Variants in PDE1C observed in about 807,000 individuals in gnomAD.
The protein encoded by PDE1C is phosphodiesterase 1C.
PDE1C carries 62 observed loss-of-function variants against 93.1 expected under a neutral mutation model. That is an observed-to-expected ratio of 0.67 (90% confidence interval 0.54 to 0.82). PDE1C has a LOEUF of 0.82. Ranked by LOEUF, PDE1C falls within the 40% of genes least tolerant of loss-of-function variation. PDE1C has a pLI of 0.00. For synonymous variants in PDE1C, 325 were observed against 310.1 expected, an observed-to-expected ratio of 1.05 and a Z score of -0.50; for missense variants, 742 against 884.6, an observed-to-expected ratio of 0.84 and a Z score of 2.04.
the PDE1C span, chr7:31,687,175 G>C: frequency 6.6e-6 from 1 of 152,456 alleles, no homozygotes; most frequent in Non-Finnish European, 1.5e-5. Flanking sequence ...AACAGCAGCA[G>C]CTGGTCCCTA....
chr7:32,397,607 T>C (rs1379180651), intron 1 of PDE1C, among the ~76,000 whole-genome samples: 1 of 152,326 alleles, frequency 6.6e-6, no homozygotes, highest in South Asian at 2.1e-4. Context: ...AATACATATA[T>C]ACAAGGTTAT....
chr7:31,916,022 G>A lies in PDE1C; in HGVS notation c.129-35162C>T, dbSNP rs544674456. On this transcript the variant is annotated intron_variant, in intron 2 of 17. Transcript: ENST00000396191. Reference sequence around the variant, plus strand: ...CTGTGCTCCATGTCTTCAGAGATAAGGAAGTTACTTTCTGCCAGGTATGGG... The same window carrying A: ...CTGTGCTCCATGTCTTCAGAGATAAAGAAGTTACTTTCTGCCAGGTATGGG... Among the ~76,000 whole-genome samples the A allele has an allele frequency of 2.0e-4, 31 of 151,872 alleles. No homozygotes were observed. The South Asian group carries it at 6.2e-3, about 31-fold the overall frequency.
At chr7:31,896,523 T>C (rs970326708) in intron 2 of PDE1C, among the ~76,000 whole-genome samples, 1 of 151,808 alleles carries the variant, frequency 6.6e-6, no homozygotes, top group African/African-American at 2.4e-5. Flanking sequence ...AGCCTTCTTG[T>C]GGTATATTCA....
At chr7:32,308,182 G>A (rs1331765356) in intron 1 of PDE1C, among the ~76,000 whole-genome samples, 1 of 152,244 alleles carries the variant, frequency 6.6e-6, no homozygotes, top group East Asian at 1.9e-4. Context: ...CAAGGCTGGG[G>A]GAGGGGCGCC....
At chr7:32,093,349 C>A (rs1797576724) in intron 3 of PDE1C, among the ~76,000 whole-genome samples, 1 of 152,232 alleles carries the variant, frequency 6.6e-6, no homozygotes, top group South Asian at 2.1e-4. Flanking sequence ...TCAAAGCAAG[C>A]TTGTCACTTG....
intron 1 of PDE1C, among the ~76,000 whole-genome samples, chr7:32,327,293 C>T (rs1267514327): frequency 6.6e-6 from 1 of 152,118 alleles, no homozygotes; most frequent in East Asian, 1.9e-4. Context: ...GTCCCCAAAT[C>T]GTAAGTATAC....
chr7:32,424,650 A>T (rs1333047464), intron 1 of PDE1C, among the ~76,000 whole-genome samples: 1 of 152,106 alleles, frequency 6.6e-6, no homozygotes, highest in Non-Finnish European at 1.5e-5. Context: ...TACAAAAAAT[A>T]GATATATATA....
In PDE1C at chr7:32,390,967, A is replaced by T. The variant is rs2099306; in HGVS notation, c.310+36855T>A. Among the ~76,000 whole-genome samples, 3 of 152,208 alleles carry T rather than the reference A, an allele frequency of 2.0e-5. No individual in the cohort carries two copies. In the South Asian group the frequency reaches 6.2e-4, roughly 32 times the overall value. On this transcript the variant is annotated intron_variant, in intron 1 of 1. Coordinates refer to the PDE1C transcript ENST00000672256. ...GGAAATAAGACAATAAAAGAGGAAC[A>T]TAAGAACAAAAAAGACACCAGCAAT...
intron 1 of PDE1C, among the ~76,000 whole-genome samples, chr7:32,320,570 AT>A (rs1783269187): frequency 6.6e-6 from 1 of 152,114 alleles, no homozygotes; most frequent in East Asian, 1.9e-4. Context: ...TTCTAGGAAT[AT>A]TGTCACACTT....
At chr7:32,075,184 A>G (rs1276943638), upstream of PDE1C, among the ~76,000 whole-genome samples, 1 of 152,212 alleles carries the variant, frequency 6.6e-6, no homozygotes, top group Non-Finnish European at 1.5e-5. Context: ...AGAGTAGAAA[A>G]AGGAAAATAG....
chr7:32,143,821 A>C (rs1447264732), intron 3 of PDE1C, among the ~76,000 whole-genome samples: 1 of 152,190 alleles, frequency 6.6e-6, no homozygotes, highest in Non-Finnish European at 1.5e-5. Flanking sequence ...ACATAAATTA[A>C]AGTGTCTGAA....
At chr7:32,022,403 A>G (rs1430966152) in intron 2 of PDE1C, among the ~76,000 whole-genome samples, 1 of 152,086 alleles carries the variant, frequency 6.6e-6, no homozygotes, top group Non-Finnish European at 1.5e-5. Context: ...AAGCAAGTCA[A>G]CAGAGGAGGT....
At chr7:32,088,728 ACAGGCTCACTCCAGTGAGCC>A (rs1211173870) in intron 3 of PDE1C, among the ~76,000 whole-genome samples, 1 of 21,810 alleles carries the variant, frequency 4.6e-5, no homozygotes, top group Admixed American at 2.9e-4. Flanking sequence ...GTCTTTAGTG[ACAGGCTCACTCCAGTGAGCC>A]ACCCGTGAAA....
chr7:32,038,338 CA>C (rs1447383376), intron 2 of PDE1C, among the ~76,000 whole-genome samples: 1 of 151,932 alleles, frequency 6.6e-6, no homozygotes, highest in African/African-American at 2.4e-5. Context: ...CCCGCACAAG[CA>C]GAATAAGTGC....
chr7:31,857,730 C>T (rs1330183695), intron 7 of PDE1C, among the ~76,000 whole-genome samples: 1 of 152,082 alleles, frequency 6.6e-6, no homozygotes, highest in Non-Finnish European at 1.5e-5. Context: ...CTTCACTAGA[C>T]ATTTTGAGGG....
At chr7:32,042,343 C>T (rs533918379) in intron 2 of PDE1C, among the ~76,000 whole-genome samples, 1 of 152,026 alleles carries the variant, frequency 6.6e-6, no homozygotes, top group Non-Finnish European at 1.5e-5. Context: ...AACTATAAAG[C>T]CAAAGGGATA....
rs147561543 is a variant in PDE1C at position 31,979,662 on chromosome 7, T to C, written c.128+71892A>G. Among the ~76,000 whole-genome samples, 15 of 152,316 alleles carry C rather than the reference T, an allele frequency of 9.8e-5. No individual in the cohort carries two copies. The East Asian group carries it at 2.1e-3, about 22-fold the overall frequency. On this transcript the variant is annotated intron_variant, in intron 2 of 17. Coordinates refer to ENST00000396191, the MANE Select transcript of PDE1C (RefSeq NM_001191057.4). ...ACTATTAAGAAGACAACAATTCCTA[T>C]ACTTACTAGCTTCATGAAAGTAAAA...
At chr7:31,666,794 A>AT in the PDE1C span, among the ~76,000 whole-genome samples, 14 of 150,042 alleles carry the variant, frequency 9.3e-5, no homozygotes, top group African/African-American at 2.2e-4. Context: ...CCAGCCCCCC[A>AT]TTTTTTTTTG....
At chr7:32,314,720 G>A (rs1283459945) in intron 1 of PDE1C, among the ~76,000 whole-genome samples, 2 of 152,030 alleles carry the variant, frequency 1.3e-5, no homozygotes, top group African/African-American at 4.8e-5. Context: ...TGGCATCCTT[G>A]GCAACAGAAT....
Sources: gnomAD v4.1 joint callset for allele counts (sites outside exome capture counted in the v4.1 genomes callset) on GRCh38, gnomAD v4.1.1 for gene constraint, MANE v1.5 for transcripts, NCBI Gene and HGNC (gene_info 2026-07-23, HGNC 2026-07-21) for gene names.